BRD1: variants seen among roughly 807,000 people sequenced by gnomAD.
The protein encoded by BRD1 is bromodomain containing 1, also known as bromodomain-containing protein 1.
In BRD1, 24 loss-of-function variants were observed where a neutral mutation model predicts 107.7. The observed-to-expected ratio is 0.22, with a 90% confidence interval of 0.16 to 0.31. The LOEUF is 0.31. BRD1 is among the 10% of genes least tolerant of loss of function. The pLI is 1.00. For missense variants in BRD1, 1,279 were observed against 1,638.6 expected, an observed-to-expected ratio of 0.78 and a Z score of 3.79; for synonymous variants, 744 against 686.1, an observed-to-expected ratio of 1.08 and a Z score of -1.32.
At chr22:49,819,671 G>T (rs983251166) in intron 2 of BRD1, among the ~76,000 whole-genome samples, 1 of 151,234 alleles carries the variant, frequency 6.6e-6, no homozygotes, top group Non-Finnish European at 1.5e-5. Context: ...GGCTGGTCTC[G>T]AACTCCTGAC....
chr22:49,815,313 C>T (rs1385713793), intron 2 of BRD1, among the ~76,000 whole-genome samples: 1 of 152,092 alleles, frequency 6.6e-6, no homozygotes, highest in Non-Finnish European at 1.5e-5. Flanking sequence ...CTAAGGCAGG[C>T]GGATTACCTT....
At chr22:49,805,413 G>A (rs2059722410) in intron 2 of BRD1, 1 of 152,348 alleles carries the variant, frequency 6.6e-6, no homozygotes. Context: ...CCGTGCAGAT[G>A]TGGAACCCCT....
At position 49,794,039 on chromosome 22, in the gene BRD1, T is replaced by A; in HGVS notation, c.2354A>T (p.Glu785Val). The change falls in exon 7 of 13, where the codon GAG (glutamate) becomes GTG (valine). Residue 785 changes from glutamate (E) to valine (V), a missense_variant. Physicochemically the swap from Glu to Val is moderately radical, Grantham distance 121. Coordinates refer to ENST00000404760, the MANE Select transcript of BRD1 (RefSeq NM_001304808.3). ...CAGCCCTCACCGTGGCTTACCTTCC[T>A]CGCCCGCCTCCGGCCCCAGCGCAGC... ...DGAALGPEAG[E>V]EGDKSPPKLE... 3 of 1,611,216 alleles carry A rather than the reference T, an allele frequency of 1.9e-6. No homozygotes were observed. Among genetic ancestry groups the A allele is most frequent in the Non-Finnish European group, 2.5e-6 (3 of 1,178,428 alleles).
chr22:49,805,930 C>G (rs1428108586), intron 2 of BRD1: 1 of 151,996 alleles, frequency 6.6e-6, no homozygotes, highest in Non-Finnish European at 1.5e-5. Flanking sequence ...TTAGCAGAGA[C>G]AAGGTTTCAC....
At chr22:49,827,173 C>T (rs1296731189) in intron 1 of BRD1, among the ~76,000 whole-genome samples, 4 of 151,268 alleles carry the variant, frequency 2.6e-5, no homozygotes, top group African/African-American at 9.7e-5. Flanking sequence ...GGCAGGCGCC[C>T]GCGGCCCAGG....
chr22:49,826,002 T>G, intron 1 of BRD1: 1 of 189,664 alleles, frequency 5.3e-6, no homozygotes. Flanking sequence ...CCTGGATTCC[T>G]GGGGAGCTGT....
chr22:49,797,386 C>A (rs1343174414), intron 6 of BRD1, among the ~76,000 whole-genome samples: 1 of 152,224 alleles, frequency 6.6e-6, no homozygotes, highest in East Asian at 1.9e-4. Context: ...AAACCCCCAA[C>A]TAAGCTGCTT....
chr22:49,800,309 C>T (rs1161866627), intron 3 of BRD1, among the ~76,000 whole-genome samples: 2 of 152,192 alleles, frequency 1.3e-5, no homozygotes, highest in Non-Finnish European at 2.9e-5. Flanking sequence ...AGCGTTGCTG[C>T]GCTGATGTCC....
At chr22:49,822,586 T>G (rs955676843) in intron 2 of BRD1, among the ~76,000 whole-genome samples, 18 of 152,034 alleles carry the variant, frequency 1.2e-4, no homozygotes, top group Non-Finnish European at 2.9e-5. Flanking sequence ...GGCGCACGCC[T>G]GCAGTCCCAG....
Position 49,792,673 on chromosome 22 carries a change from T to C in BRD1, c.2359+1361A>G, listed in dbSNP as rs2059457325. The stretch of plus-strand genomic sequence containing the variant: ...GAGACATTCTAGAGTCTGGGTACTA[T>C]ACTATGGTGAACTAAACAGAAGAAT... On this transcript the variant is annotated intron_variant, in intron 7 of 12. Transcript: ENST00000404760. The surrounding 1 kb of genome is among the most constrained non-coding windows in gnomAD (Gnocchi z 4.2). Among the ~76,000 whole-genome samples, 1 of 152,206 alleles carries C rather than the reference T, an allele frequency of 6.6e-6. No individual in the cohort carries two copies. The highest frequency in any genetic ancestry group is 2.4e-5 in the African/African-American group (1 of 41,446).
At chr22:49,782,637 G>A (rs903051577) in intron 8 of BRD1, among the ~76,000 whole-genome samples, 9 of 140,576 alleles carry the variant, frequency 6.4e-5, no homozygotes, top group Admixed American at 3.0e-4. Flanking sequence ...ACGCCTGCAC[G>A]AGACCTGCTC....
chr22:49,794,280 C>G lies in BRD1; in HGVS notation c.2113G>C (p.Asp705His). ...FSWEDVDRLLDPANRAHLGLE... is the reference protein window; with the variant it reads ...FSWEDVDRLLHPANRAHLGLE... ...CCCAGGTGGGCTCTGTTGGCGGGGT[C>G]CAGCAACCTGTCCACTGAACCAAAG... The change falls in exon 7 of 13, where the codon GAC becomes CAC. Residue 705 changes from aspartate (D) to histidine (H), a missense_variant. Around this residue, in one of 7 missense-constraint regions of BRD1, gnomAD observed 406 missense variants for 519.4 expected, o/e 0.78. Coordinates refer to ENST00000404760, the MANE Select transcript of BRD1 (RefSeq NM_001304808.3). 7 of 1,610,778 alleles carry G rather than the reference C, an allele frequency of 4.3e-6. No homozygotes were observed. Among genetic ancestry groups the G allele is most frequent in the Non-Finnish European group, 5.9e-6 (7 of 1,177,932 alleles).
At chr22:49,785,861 T>C (rs2059313059) in intron 8 of BRD1, among the ~76,000 whole-genome samples, 1 of 152,160 alleles carries the variant, frequency 6.6e-6, no homozygotes, top group Admixed American at 6.5e-5. Flanking sequence ...TGAGCCTCCT[T>C]CTGCACAAAG....
intron 1 of BRD1, among the ~76,000 whole-genome samples, chr22:49,826,676 C>A (rs892377708): frequency 1.3e-5 from 2 of 152,234 alleles, no homozygotes; most frequent in Non-Finnish European, 2.9e-5. Flanking sequence ...TTGTGTGCAG[C>A]ACACAGCACT....
Position 49,792,733 on chromosome 22 carries a change from CA to C in BRD1, c.2359+1300del, listed in dbSNP as rs1195198040. ...GAACAACAAACAGGCACAAAATGAG[CA>C]AAAGGATGCATAAGAAATTCTCAGC... is the stretch of plus-strand genomic sequence containing the variant. On this transcript the variant is annotated intron_variant, in intron 7 of 12. Transcript: ENST00000404760. This position sits in a 1 kb window ranked among gnomAD's most constrained non-coding sequence, Gnocchi z 4.2. Among the ~76,000 whole-genome samples, 2 of 152,104 alleles carry C rather than the reference CA, an allele frequency of 1.3e-5. No homozygotes were observed. Among genetic ancestry groups the C allele is most frequent in the Admixed American group, 6.5e-5 (1 of 15,280 alleles).
intron 2 of BRD1, among the ~76,000 whole-genome samples, chr22:49,819,247 G>A (rs994368702): frequency 3.3e-5 from 5 of 151,842 alleles, no homozygotes; most frequent in East Asian, 1.9e-4. Context: ...GCAACAGAGC[G>A]AGGCTTCATC....
chr22:49,809,068 G>A lies in BRD1; in HGVS notation c.1368-4708C>T, dbSNP rs146476026. Among the ~76,000 whole-genome samples the A allele has an allele frequency of 2.6e-3, 389 of 151,572 alleles. 1 individual carries two copies. The highest frequency in any genetic ancestry group is 5.8e-3 in the African/African-American group (239 of 41,202). Reference sequence around the variant, plus strand: ...CGGGAGGAAGACATTACAGTGAGCCGAGATCACACCACTGCACTCCAGCCT... The same window carrying A: ...CGGGAGGAAGACATTACAGTGAGCCAAGATCACACCACTGCACTCCAGCCT... On this transcript the variant is annotated intron_variant, in intron 2 of 12. Transcript: ENST00000404760.
intron 8 of BRD1, among the ~76,000 whole-genome samples, chr22:49,785,066 C>T (rs1569093876): frequency 6.6e-6 from 1 of 152,266 alleles, no homozygotes; most frequent in Non-Finnish European, 1.5e-5. Context: ...CTGCTCTACA[C>T]CACCGTCACC....
intron 2 of BRD1, chr22:49,817,686 G>A (rs2059979993): frequency 4.5e-6 from 1 of 224,444 alleles, no homozygotes; most frequent in Admixed American, 4.1e-5. Flanking sequence ...AAGACTAAAA[G>A]ATTTCTTGGA....
Sources: allele counts gnomAD v4.1 joint callset (sites outside exome capture counted in the v4.1 genomes callset), GRCh38; gene constraint gnomAD v4.1.1; regional missense constraint gnomAD v4.1.1; non-coding constraint Gnocchi (gnomAD v3.1); transcripts MANE v1.5; gene names NCBI Gene and HGNC (gene_info 2026-07-23, HGNC 2026-07-21).